MAGI1: variants seen among roughly 807,000 people sequenced by gnomAD.
MAGI1 encodes the protein membrane-associated guanylate kinase, WW and PDZ domain-containing protein 1.
A neutral mutation model predicts 139.9 loss-of-function variants in MAGI1; 58 were observed. The observed-to-expected ratio is 0.41, with a 90% confidence interval of 0.34 to 0.52. MAGI1 has a LOEUF of 0.52. MAGI1 is among the 20% of genes least tolerant of loss of function. The pLI, the probability that MAGI1 is intolerant of heterozygous loss-of-function variation, is 0.12. For missense variants in MAGI1, 1,874 were observed against 1,901.6 expected, an observed-to-expected ratio of 0.99 and a Z score of 0.27; for synonymous variants, 812 against 737.9, an observed-to-expected ratio of 1.10 and a Z score of -1.63.
intron 1 of MAGI1, chr3:65,914,236 G>A (rs938680220): frequency 1.3e-5 from 2 of 152,086 alleles, no homozygotes; most frequent in African/African-American, 4.8e-5. Flanking sequence ...ACCAACAGAG[G>A]GCCTCCTGTG....
chr3:65,394,086 G>T (rs1246825820), intron 13 of MAGI1, among the ~76,000 whole-genome samples: 2 of 152,028 alleles, frequency 1.3e-5, no homozygotes, highest in Non-Finnish European at 2.9e-5. Flanking sequence ...TCACGTCATG[G>T]GTTTTTGAAA....
chr3:65,687,843 C>T, intron 1 of MAGI1: 2 of 611,622 alleles, frequency 3.3e-6, no homozygotes, highest in South Asian at 1.4e-5. Flanking sequence ...TACAACAGTG[C>T]CACCCAGTCT....
intron 1 of MAGI1, among the ~76,000 whole-genome samples, chr3:65,710,189 G>T (rs768076164): frequency 6.6e-6 from 1 of 150,774 alleles, no homozygotes; most frequent in African/African-American, 2.4e-5. Context: ...GCAGACAAGC[G>T]ATCAGTGAAA....
chr3:65,369,797 C>T (rs1021575685), intron 18 of MAGI1, among the ~76,000 whole-genome samples: 1 of 151,276 alleles, frequency 6.6e-6, no homozygotes, highest in Non-Finnish European at 1.5e-5. Flanking sequence ...GCATGAGCTA[C>T]CATGCCCGGC....
intron 2 of MAGI1, among the ~76,000 whole-genome samples, chr3:65,543,383 C>A (rs1031531230): frequency 6.6e-6 from 1 of 152,112 alleles, no homozygotes; most frequent in Admixed American, 6.5e-5. Context: ...CCACTTGACC[C>A]AGCAATGTTA....
intron 1 of MAGI1, among the ~76,000 whole-genome samples, chr3:65,689,335 T>C (rs2088363447): frequency 6.6e-6 from 1 of 152,216 alleles, no homozygotes; most frequent in Non-Finnish European, 1.5e-5. Flanking sequence ...CTGAGTTCCA[T>C]GTTCCTAACT....
intron 1 of MAGI1, among the ~76,000 whole-genome samples, chr3:65,813,921 A>G (rs1020610189): frequency 5.3e-5 from 8 of 152,202 alleles, no homozygotes; most frequent in African/African-American, 1.9e-4. Flanking sequence ...GGAGTAATGA[A>G]TGAATCCCAA....
intron 1 of MAGI1, among the ~76,000 whole-genome samples, chr3:66,033,294 G>C (rs1305709835): frequency 6.6e-6 from 1 of 152,144 alleles, no homozygotes; most frequent in South Asian, 2.1e-4. Context: ...AAGGTGCTGG[G>C]ATTACAGGTG....
chr3:65,373,930 G>A (rs1387737558), intron 18 of MAGI1, among the ~76,000 whole-genome samples: 1 of 152,082 alleles, frequency 6.6e-6, no homozygotes, highest in Non-Finnish European at 1.5e-5. Flanking sequence ...TTTACTGTTT[G>A]GTTTTGCATT....
chr3:65,421,250 G>T (rs1449251945), intron 12 of MAGI1, among the ~76,000 whole-genome samples: 2 of 152,170 alleles, frequency 1.3e-5, no homozygotes, highest in Non-Finnish European at 1.5e-5. Context: ...ACTGCATTAT[G>T]AATAAAGGCC....
intron 2 of MAGI1, among the ~76,000 whole-genome samples, chr3:65,609,030 G>A (rs2082897450): frequency 1.3e-5 from 2 of 152,232 alleles, no homozygotes; most frequent in African/African-American, 2.4e-5. Flanking sequence ...GAAATTCAAA[G>A]ACAGGCAAAA....
chr3:65,881,894 G>A (rs1216346470), intron 1 of MAGI1, among the ~76,000 whole-genome samples: 3 of 152,164 alleles, frequency 2.0e-5, no homozygotes, highest in Non-Finnish European at 4.4e-5. Flanking sequence ...TGGAAAGCCA[G>A]TAGAGGAAAC....
intron 1 of MAGI1, chr3:65,687,374 C>T: frequency 3.1e-6 from 1 of 318,738 alleles, no homozygotes. Flanking sequence ...AGAGTTCAGG[C>T]CCTTTGTACC....
intron 1 of MAGI1, among the ~76,000 whole-genome samples, chr3:65,796,260 C>T (rs77321421): frequency 0.028 from 4,267 of 152,156 alleles, 86 homozygotes; most frequent in Non-Finnish European, 0.04. Context: ...AGTCTATTTT[C>T]TTTTAAGGCT....
chr3:65,484,131 A>G (rs1052401254), intron 3 of MAGI1, among the ~76,000 whole-genome samples: 3 of 152,230 alleles, frequency 2.0e-5, no homozygotes, highest in Non-Finnish European at 4.4e-5. Context: ...CAATGTGCAA[A>G]CAATTAAATT....
At chr3:65,738,883 C>A (rs142831800) in intron 1 of MAGI1, among the ~76,000 whole-genome samples, 1 of 152,292 alleles carries the variant, frequency 6.6e-6, no homozygotes, top group Non-Finnish European at 1.5e-5. Context: ...AGAGCACAGG[C>A]AGAGTAGATT....
At chr3:65,719,729 T>A (rs746328363) in intron 1 of MAGI1, among the ~76,000 whole-genome samples, 6 of 152,044 alleles carry the variant, frequency 3.9e-5, no homozygotes, top group Non-Finnish European at 7.4e-5. Flanking sequence ...TATTTTTTTG[T>A]AGAGAAGGAG....
intron 1 of MAGI1, among the ~76,000 whole-genome samples, chr3:65,630,134 T>C (rs1452065611): frequency 6.6e-6 from 1 of 152,180 alleles, no homozygotes; most frequent in East Asian, 1.9e-4. Flanking sequence ...CTTAAACATT[T>C]GGGGAGTTTC....
intron 1 of MAGI1, among the ~76,000 whole-genome samples, chr3:65,854,734 G>A (rs2059316100): frequency 6.6e-6 from 1 of 152,230 alleles, no homozygotes. Flanking sequence ...ATGAGCTGCT[G>A]TGGCCTGGCT....
Sources: allele counts gnomAD v4.1 joint callset (sites outside exome capture counted in the v4.1 genomes callset), GRCh38; gene constraint gnomAD v4.1.1; transcripts MANE v1.5; gene names NCBI Gene and HGNC (gene_info 2026-07-23, HGNC 2026-07-21).